The following ZFHX4 variants were observed in gnomAD, a reference collection of about 807,000 sequenced individuals.
The protein encoded by ZFHX4 is zinc finger homeobox protein 4.
ZFHX4 carries 56 observed loss-of-function variants against 267.6 expected under a neutral mutation model. That is an observed-to-expected ratio of 0.21 (90% CI 0.17 to 0.26). The LOEUF (loss-of-function observed/expected upper bound fraction) is 0.26, where lower values mean the gene tolerates loss of function less well. ZFHX4 is among the 10% of genes least tolerant of loss of function. The probability of loss-of-function intolerance (pLI) is 1.00; values close to 1 mark genes in which losing one functional copy is unlikely to be tolerated. For synonymous variants in ZFHX4, 1,778 were observed against 1,665.6 expected, an observed-to-expected ratio of 1.07 and a Z score of -1.64; for missense variants, 4,332 against 4,420.0, an observed-to-expected ratio of 0.98 and a Z score of 0.56.
intron 3 of ZFHX4, among the ~76,000 whole-genome samples, chr8:76,743,350 C>T (rs2131688099): frequency 6.6e-6 from 1 of 152,266 alleles, no homozygotes; most frequent in Middle Eastern, 3.4e-3. Flanking sequence ...AAACATGTGC[C>T]AGATAGATTT....
At chr8:76,746,086 G>A (rs772923796) in intron 3 of ZFHX4, among the ~76,000 whole-genome samples, 2 of 152,142 alleles carry the variant, frequency 1.3e-5, no homozygotes, top group African/African-American at 2.4e-5. Flanking sequence ...TCCAATTAAC[G>A]TTATTTGGTG....
chr8:76,719,500 G>A (rs759869568), intron 3 of ZFHX4, among the ~76,000 whole-genome samples: 6 of 151,988 alleles, frequency 3.9e-5, no homozygotes, highest in Non-Finnish European at 7.4e-5. Flanking sequence ...GCTAATTGTG[G>A]GAGGACAGTA....
intron 3 of ZFHX4, among the ~76,000 whole-genome samples, chr8:76,729,514 A>G (rs1219336649): frequency 2.0e-5 from 3 of 152,152 alleles, no homozygotes; most frequent in Non-Finnish European, 4.4e-5. Flanking sequence ...GAGAGCAAAG[A>G]TGATTTCTGT....
chr8:76,849,270 T>C (rs1422808080), intron 7 of ZFHX4, 142 bp downstream of exon 7: 1 of 1,022,102 alleles, frequency 9.8e-7, no homozygotes, highest in Non-Finnish European at 1.4e-6. Flanking sequence ...TTACCTCTAA[T>C]GTTCTAAAGT....
At chr8:76,713,282 A>AAGAT (rs142140233) in intron 3 of ZFHX4, among the ~76,000 whole-genome samples, 29,729 of 143,058 alleles carry the variant, frequency 0.21, 3,011 homozygotes, top group African/African-American at 0.27. Flanking sequence ...GATAGATAGA[A>AAGAT]AGATAGATAG....
Position 76,842,705 on chromosome 8 carries a change from G to C in ZFHX4, c.3445G>C (p.Glu1149Gln), listed in dbSNP as rs144576583. ...AGCTATTAAGCCTACAGCAGTGGCC[G>C]AGGACGATGAAAAAGACACAAGTGA... ...EGAIKPTAVA[E>Q]DDEKDTSERD... The change falls in exon 6 of 11, where the codon GAG becomes CAG. Residue 1149 changes from glutamate to glutamine, a missense_variant. Coordinates refer to ENST00000651372, the MANE Select transcript of ZFHX4 (RefSeq NM_024721.5). 8.4e-5 allele frequency: 131 copies of C among 1,554,644 alleles called. 1 individual carries two copies. The East Asian group carries it at 3.1e-3, about 37-fold the overall frequency.
In ZFHX4 at chr8:76,864,142, C is replaced by A; in HGVS notation, c.10428C>A (p.Ile3476=). 1 of 1,613,866 alleles carries A rather than the reference C, an allele frequency of 6.2e-7. No homozygotes were observed. Among genetic ancestry groups the A allele is most frequent in the African/African-American group, 1.3e-5 (1 of 75,022 alleles). ...LQSSLHKEKT[I]KQAMRNAKEH... Reference sequence around the variant, plus strand: ...CAAGCTTGCACAAAGAGAAAACAATCAAACAAGCAATGAGAAATGCCAAAG... The same window carrying A: ...CAAGCTTGCACAAAGAGAAAACAATAAAACAAGCAATGAGAAATGCCAAAG... The change falls in exon 11 of 11, where the codon ATC becomes ATA. Residue 3476 remains isoleucine (I), a synonymous_variant. Coordinates refer to ENST00000651372, the MANE Select transcript of ZFHX4 (RefSeq NM_024721.5).
At chr8:76,827,135 G>A (rs1010108366) in intron 4 of ZFHX4, among the ~76,000 whole-genome samples, 1 of 152,258 alleles carries the variant, frequency 6.6e-6, no homozygotes, top group South Asian at 2.1e-4. Flanking sequence ...ATGGAAGACA[G>A]TTTTTCCACA....
chr8:76,799,623 G>T (rs540672958), intron 4 of ZFHX4, among the ~76,000 whole-genome samples: 1 of 152,258 alleles, frequency 6.6e-6, no homozygotes, highest in East Asian at 1.9e-4. Context: ...GAACATTCAA[G>T]AACAGGATTC....
At chr8:76,719,614 AG>A (rs1808667358) in intron 3 of ZFHX4, among the ~76,000 whole-genome samples, 1 of 152,150 alleles carries the variant, frequency 6.6e-6, no homozygotes, top group South Asian at 2.1e-4. Flanking sequence ...ATATTTTAAA[AG>A]TAAAGTGCTT....
At chr8:76,828,736 A>G (rs570333910) in intron 4 of ZFHX4, among the ~76,000 whole-genome samples, 11 of 152,326 alleles carry the variant, frequency 7.2e-5, no homozygotes, top group South Asian at 2.1e-4. Context: ...TGTGAACTCT[A>G]TCATAGAATT....
chr8:76,747,733 AC>A (rs1809498146), intron 3 of ZFHX4, among the ~76,000 whole-genome samples: 1 of 152,122 alleles, frequency 6.6e-6, no homozygotes, highest in Non-Finnish European at 1.5e-5. Context: ...GGAGTTTGAG[AC>A]CAGCCTGATT....
chr8:76,864,123 T>G lies in ZFHX4; in HGVS notation c.10409T>G (p.Leu3470Trp). 6.2e-7 allele frequency: 1 copy of G among 1,613,878 alleles called. No homozygotes were observed. The highest frequency in any genetic ancestry group is 2.2e-5 in the East Asian group (1 of 44,834). ...EALSQHLQSS[L>W]HKEKTIKQAM... The stretch of plus-strand genomic sequence containing the variant: ...CTTAGCCAACACCTCCAGTCAAGCT[T>G]GCACAAAGAGAAAACAATCAAACAA... Residue 3470 changes from leucine (L) to tryptophan (W), a missense_variant, in exon 11 of 11, where the codon TTG becomes TGG. Transcript: ENST00000651372.
rs746820985 is a variant in ZFHX4 at position 76,855,372 on chromosome 8, C to T, written c.8451C>T (p.Asp2817=). Residue 2817 remains aspartate, a synonymous_variant, in exon 10 of 11, where the codon GAC becomes GAT. Transcript: ENST00000651372. ...NTAISDATTG[D]EGNTEMESTT... ...CAATCAGTGACGCCACCACCGGAGA[C>T]GAGGGAAACACTGAAATGGAAAGCA... 2 of 1,613,508 alleles carry T rather than the reference C, an allele frequency of 1.2e-6. No individual in the cohort carries two copies. The highest frequency in any genetic ancestry group is 1.1e-5 in the South Asian group (1 of 91,046).
chr8:76,764,873 T>G (rs889224165), intron 3 of ZFHX4, among the ~76,000 whole-genome samples: 1 of 152,204 alleles, frequency 6.6e-6, no homozygotes, highest in African/African-American at 2.4e-5. Context: ...TCCAACTTTC[T>G]GGGATTCTTC....
At chr8:76,758,599 A>G (rs534399594) in intron 3 of ZFHX4, among the ~76,000 whole-genome samples, 8 of 152,230 alleles carry the variant, frequency 5.3e-5, no homozygotes, top group African/African-American at 1.7e-4. Context: ...GGCTTTAGCA[A>G]TCCTCCAGCC....
Position 76,865,126 on chromosome 8 carries a change from C to T in ZFHX4, c.*561C>T, listed in dbSNP as rs2131987789. On this transcript the variant is annotated 3_prime_UTR_variant, in exon 11 of 11. Coordinates refer to ENST00000651372, the MANE Select transcript of ZFHX4 (RefSeq NM_024721.5). ...AAGAGACTTTATAACCCTTACTGGA[C>T]AACACACAGATCCTTGAGCTCACGC... The T allele has an allele frequency of 6.5e-6, 1 of 152,960 alleles. No homozygotes were observed. Among genetic ancestry groups the T allele is most frequent in the South Asian group, 2.1e-4 (1 of 4,828 alleles). The allele number at this position is 152,960 out of a possible 1,614,324, so 9.5% of individuals were successfully genotyped here.
chr8:76,848,881 C>G, intron 6 of ZFHX4, 114 bp from the exon 7 acceptor site: 2 of 995,376 alleles, frequency 2.0e-6, no homozygotes, highest in Non-Finnish European at 2.8e-6. Context: ...AAATGCTTGT[C>G]GGTTCTTTTT....
intron 4 of ZFHX4, among the ~76,000 whole-genome samples, chr8:76,810,609 G>A (rs945840915): frequency 2.0e-5 from 3 of 152,156 alleles, no homozygotes; most frequent in African/African-American, 7.2e-5. Context: ...TTAGAAGGGT[G>A]TGTGTGACTT....
Sources: gnomAD v4.1 joint callset for allele counts (sites outside exome capture counted in the v4.1 genomes callset) on GRCh38, gnomAD v4.1.1 for gene constraint, MANE v1.5 for transcripts, NCBI Gene and HGNC (gene_info 2026-07-23, HGNC 2026-07-21) for gene names.